APMAP: variants seen among roughly 807,000 people sequenced by gnomAD.
APMAP encodes the protein adipocyte plasma membrane-associated protein.
In APMAP, 33 loss-of-function variants were observed where a neutral mutation model predicts 43.6. The observed-to-expected ratio is 0.76, with a 90% CI of 0.57 to 1.01. The LOEUF (loss-of-function observed/expected upper bound fraction) is 1.01, where lower values mean the gene tolerates loss of function less well. APMAP is among the 50% of genes least tolerant of loss of function. The pLI is 0.00. For synonymous variants in APMAP, 224 were observed against 216.7 expected (o/e 1.03, Z -0.30); for missense variants, 498 against 540.7 (o/e 0.92, Z 0.78).
chr20:24,965,183 G>T (rs1299667759), intron 8 of APMAP, among the ~76,000 whole-genome samples: 2 of 152,162 alleles, frequency 1.3e-5, no homozygotes, highest in African/African-American at 4.8e-5. Flanking sequence ...ACAGGGCCAG[G>T]ACCCCAGCCT....
At chr20:24,987,982 C>G (rs916287277) in intron 1 of APMAP, among the ~76,000 whole-genome samples, 4 of 152,052 alleles carry the variant, frequency 2.6e-5, no homozygotes, top group Non-Finnish European at 4.4e-5. Context: ...CAGTGTGAAC[C>G]CCAAAGAGAG....
At position 24,978,885 on chromosome 20, in the gene APMAP, G is replaced by A; in HGVS notation, c.213-3C>T. 7 of 1,599,200 alleles carry A rather than the reference G, an allele frequency of 4.4e-6. No homozygotes were observed. Among genetic ancestry groups the A allele is most frequent in the Non-Finnish European group, 6.0e-6 (7 of 1,166,600 alleles). On this transcript the variant is annotated splice_region_variant and splice_polypyrimidine_tract_variant and intron_variant, in intron 2 of 8. Transcript: ENST00000217456. ...GCAAGAGCGGGGGTTCTTTGAAGCT[G>A]CAAAATAATGCAATTCCAGAGATCT...
rs1012420572 is a variant in APMAP at position 24,965,071 on chromosome 20, G to A, written c.1042-1049C>T. Among the ~76,000 whole-genome samples, 13 of 152,110 alleles carry A rather than the reference G, an allele frequency of 8.5e-5. No homozygotes were observed. In the East Asian group the frequency reaches 1.7e-3, roughly 20 times the overall value. On this transcript the variant is annotated intron_variant, in intron 8 of 8. Coordinates refer to ENST00000217456, the MANE Select transcript of APMAP (RefSeq NM_020531.3). ...CACTTTCCCAGAAAGCTCTCAAATC[G>A]CCATCTCCAACACCAGTGCTAAGTT...
chr20:24,981,603 AG>A (rs1227253947), intron 2 of APMAP, among the ~76,000 whole-genome samples: 1 of 152,178 alleles, frequency 6.6e-6, no homozygotes, highest in Non-Finnish European at 1.5e-5. Flanking sequence ...CCACCCATAA[AG>A]GTTGTTGCTA....
chr20:24,968,541 T>C (rs932952674), intron 8 of APMAP, among the ~76,000 whole-genome samples: 9 of 152,052 alleles, frequency 5.9e-5, no homozygotes, highest in African/African-American at 1.9e-4. Flanking sequence ...GGCAAAGCCA[T>C]GGCAGATGGA....
intron 8 of APMAP, among the ~76,000 whole-genome samples, chr20:24,966,241 A>C (rs2087941886): frequency 6.6e-6 from 1 of 152,226 alleles, no homozygotes; most frequent in African/African-American, 2.4e-5. Context: ...CAGAAGCCAC[A>C]CTGAAGGGGC....
In APMAP at chr20:24,978,868, G is replaced by C; in HGVS notation, c.227C>G (p.Pro76Arg). 1 of 1,613,724 alleles carries C rather than the reference G, an allele frequency of 6.2e-7. No homozygotes were observed. Among genetic ancestry groups the C allele is most frequent in the Non-Finnish European group, 8.5e-7 (1 of 1,179,716 alleles). The change falls in exon 3 of 9, where the codon CCG becomes CGG. Residue 76 changes from proline to arginine, a missense_variant. Transcript: ENST00000217456. ...DPQPLSFKEP[P>R]LLLGVLHPNT... ...TGGATGCAGAACACCAAGCAAGAGC[G>C]GGGGTTCTTTGAAGCTGCAAAATAA...
In APMAP at chr20:24,963,959, C is replaced by A. The variant is rs989545848; in HGVS notation, c.1105G>T (p.Asp369Tyr). ...AGGCTTCTCCGGAAGGCACCGCTGT[C>A]GCTGAGTTCTAGGACGAGGCTGTAC... ...PRYSLVLELS[D>Y]SGAFRRSLHD... Residue 369 changes from aspartate (D) to tyrosine (Y), a missense_variant, in exon 9 of 9, where the codon GAC (aspartate) becomes TAC (tyrosine). By Grantham distance (160) the Asp-to-Tyr change is radical. Coordinates refer to ENST00000217456, the MANE Select transcript of APMAP (RefSeq NM_020531.3). The A allele has an allele frequency of 1.2e-6, 2 of 1,614,098 alleles. No individual in the cohort carries two copies. The highest frequency in any genetic ancestry group is 1.7e-6 in the Non-Finnish European group (2 of 1,180,056).
intron 1 of APMAP, among the ~76,000 whole-genome samples, chr20:24,984,606 A>G (rs1209440477): frequency 1.3e-5 from 2 of 152,254 alleles, no homozygotes; most frequent in African/African-American, 4.8e-5. Context: ...TCAACCTAAT[A>G]GAAGAAGTCT....
Position 24,971,595 on chromosome 20 carries a change from G to A in APMAP, c.422-19C>T. On this transcript the variant is annotated intron_variant, in intron 4 of 8. Coordinates refer to ENST00000217456, the MANE Select transcript of APMAP (RefSeq NM_020531.3). ...CGGGTTTCTAGAAAAACAAACAGAT[G>A]GGGATTGGTAGCTGGTCCCGGATTC... The A allele has an allele frequency of 1.2e-6, 2 of 1,600,674 alleles. No individual in the cohort carries two copies. Among genetic ancestry groups the A allele is most frequent in the Non-Finnish European group, 1.7e-6 (2 of 1,167,860 alleles).
rs1294127611 is a variant in APMAP, at chr20:24,963,973, A to G, written c.1091T>C (p.Val364Ala). ...GGCACCGCTGTCGCTGAGTTCTAGG[A>G]CGAGGCTGTACCGCGGCACAAACTT... ...VMKFVPRYSLVLELSDSGAFR... is the reference protein window; with the variant it reads ...VMKFVPRYSLALELSDSGAFR... Residue 364 changes from valine to alanine, a missense_variant, in exon 9 of 9, where the codon GTC becomes GCC. By Grantham distance (64) the Val-to-Ala change is moderately conservative (BLOSUM62 0). Transcript: ENST00000217456. 1 of 1,614,230 alleles carries G rather than the reference A, an allele frequency of 6.2e-7. No individual in the cohort carries two copies.
intron 5 of APMAP, 99 bp downstream of exon 5, chr20:24,971,361 A>G: frequency 1.9e-6 from 2 of 1,054,050 alleles, no homozygotes; most frequent in Non-Finnish European, 2.8e-6. Context: ...CAGAGTCTTT[A>G]GTAGACTGTT....
chr20:24,985,559 A>G (rs897265277), intron 1 of APMAP, among the ~76,000 whole-genome samples: 6 of 152,204 alleles, frequency 3.9e-5, no homozygotes, highest in African/African-American at 1.4e-4. Flanking sequence ...GTTGTTCAGG[A>G]CACTCATTGT....
rs1177230825 is a variant in APMAP at position 24,970,190 on chromosome 20, G to A, written c.713+7C>T. 1 of 1,613,898 alleles carries A rather than the reference G, an allele frequency of 6.2e-7. No homozygotes were observed. The highest frequency in any genetic ancestry group is 1.3e-5 in the African/African-American group (1 of 74,912). ...CAACAAATGGGAGACCTGGAGCAAG[G>A]CCTCACCGCCCGTCATCTGTGCCCT... On this transcript the variant is annotated splice_region_variant and intron_variant, in intron 6 of 8. Coordinates refer to ENST00000217456, the MANE Select transcript of APMAP (RefSeq NM_020531.3).
chr20:24,983,450 G>C (rs2088121158), intron 2 of APMAP, among the ~76,000 whole-genome samples: 1 of 152,120 alleles, frequency 6.6e-6, no homozygotes, highest in African/African-American at 2.4e-5. Flanking sequence ...ATATACAATA[G>C]TTTTTTCAAA....
chr20:24,976,284 A>C (rs2088049706), intron 3 of APMAP, among the ~76,000 whole-genome samples: 2 of 152,228 alleles, frequency 1.3e-5, no homozygotes, highest in Admixed American at 1.3e-4. Context: ...AAATATTGGC[A>C]AACAACATGT....
At chr20:24,970,150 C>T (rs1331979277) in intron 6 of APMAP, 47 bp downstream of exon 6, 1 of 1,606,878 alleles carries the variant, frequency 6.2e-7, no homozygotes, top group Admixed American at 1.7e-5. Context: ...AAGCAACTGG[C>T]CTGGCTGGTG....
chr20:24,972,094 G>A (rs1164435007), intron 4 of APMAP, among the ~76,000 whole-genome samples: 1 of 149,888 alleles, frequency 6.7e-6, no homozygotes, highest in Non-Finnish European at 1.5e-5. Context: ...GCTCACTGCA[G>A]GTGGTTATTG....
rs1220350548 is a variant in APMAP, at chr20:24,963,971, G to C, written c.1093C>G (p.Leu365Val). 7.4e-6 allele frequency: 12 copies of C among 1,614,242 alleles called. No individual in the cohort carries two copies. Among genetic ancestry groups the C allele is most frequent in the Non-Finnish European group, 1.0e-5 (12 of 1,180,044 alleles). ...MKFVPRYSLV[L>V]ELSDSGAFRR... is the part of the protein sequence containing the mutation. ...AAGGCACCGCTGTCGCTGAGTTCTA[G>C]GACGAGGCTGTACCGCGGCACAAAC... Residue 365 changes from leucine to valine, a missense_variant, in exon 9 of 9, where the codon CTA (leucine) becomes GTA (valine). Coordinates refer to ENST00000217456, the MANE Select transcript of APMAP (RefSeq NM_020531.3).
Sources: allele counts gnomAD v4.1 joint callset (sites outside exome capture counted in the v4.1 genomes callset), GRCh38; gene constraint gnomAD v4.1.1; transcripts MANE v1.5; gene names NCBI Gene and HGNC (gene_info 2026-07-23, HGNC 2026-07-21).